Variants in TTLL11 observed in about 807,000 individuals in gnomAD.
TTLL11 encodes the protein tubulin tyrosine ligase like 11, also known as tubulin polyglutamylase TTLL11.
TTLL11 carries 42 observed loss-of-function variants against 51.7 expected under a neutral mutation model. The ratio of observed to expected loss-of-function variants is 0.81; its 90% CI spans 0.64 to 1.05. The LOEUF (loss-of-function observed/expected upper bound fraction) is 1.05, where lower values mean the gene tolerates loss of function less well. Among genes scored for constraint, TTLL11 ranks in the 50% least tolerant of loss-of-function variants. The pLI is 0.00. For synonymous variants in TTLL11, 381 were observed against 383.5 expected (o/e 0.99, Z 0.08); for missense variants, 799 against 940.4 (o/e 0.85, Z 1.97).
rs912025785 is a variant in TTLL11, at chr9:121,995,133, C to T, written c.694-5363G>A. ...GGAGCTTGGGAGAGAGATCTGGGGT[C>T]GTCAGGCCCCCAAGGATGGCCAAGG... On this transcript the variant is annotated intron_variant, in intron 3 of 8. Coordinates refer to ENST00000321582, the MANE Select transcript of TTLL11 (RefSeq NM_001139442.2). The surrounding 1 kb of genome is among the most constrained non-coding windows in gnomAD (Gnocchi z 4.4). Among the ~76,000 whole-genome samples the T allele has an allele frequency of 2.0e-5, 3 of 152,092 alleles. No individual in the cohort carries two copies. Among genetic ancestry groups the T allele is most frequent in the South Asian group, 2.1e-4 (1 of 4,836 alleles).
intron 3 of TTLL11, among the ~76,000 whole-genome samples, chr9:122,000,792 C>T (rs952710096): frequency 2.0e-5 from 3 of 152,192 alleles, no homozygotes; most frequent in Admixed American, 6.5e-5. Context: ...TCTTAATAAA[C>T]TTGCATCCAC....
intron 6 of TTLL11, among the ~76,000 whole-genome samples, chr9:121,933,859 C>A (rs1191481888): frequency 2.0e-5 from 3 of 152,110 alleles, no homozygotes; most frequent in African/African-American, 7.2e-5. Context: ...TCAAGCAATG[C>A]TTTCTTAAAG....
At chr9:121,847,867 C>T (rs937971269) in intron 8 of TTLL11, among the ~76,000 whole-genome samples, 1 of 152,122 alleles carries the variant, frequency 6.6e-6, no homozygotes, top group Non-Finnish European at 1.5e-5. Context: ...AACTGCATAC[C>T]AATATTCCTC....
intron 6 of TTLL11, among the ~76,000 whole-genome samples, chr9:121,887,750 T>C (rs906285276): frequency 6.6e-6 from 1 of 152,164 alleles, no homozygotes; most frequent in African/African-American, 2.4e-5. Context: ...AGATCCCCCA[T>C]GAAGAAAGTG....
chr9:122,014,182 T>C (rs1286968828), intron 3 of TTLL11, among the ~76,000 whole-genome samples: 3 of 151,934 alleles, frequency 2.0e-5, no homozygotes, highest in Non-Finnish European at 2.9e-5. Context: ...CTGGCCAACA[T>C]AGCAAAACCC....
At chr9:122,085,052 G>C (rs1846090929) in intron 1 of TTLL11, among the ~76,000 whole-genome samples, 1 of 152,164 alleles carries the variant, frequency 6.6e-6, no homozygotes, top group Non-Finnish European at 1.5e-5. Context: ...CTGAGGTCAG[G>C]AGTTCGAGAC....
intron 2 of TTLL11, among the ~76,000 whole-genome samples, chr9:122,033,613 G>T (rs1210241833): frequency 6.6e-6 from 1 of 152,162 alleles, no homozygotes; most frequent in East Asian, 1.9e-4. Context: ...CAGAATGAAT[G>T]AGTTTCCTCT....
At chr9:121,914,122 C>T (rs1007365074) in intron 6 of TTLL11, among the ~76,000 whole-genome samples, 6 of 152,220 alleles carry the variant, frequency 3.9e-5, no homozygotes, top group African/African-American at 4.8e-5. Flanking sequence ...TGTTCTATCC[C>T]CCATAGTATA....
intron 6 of TTLL11, among the ~76,000 whole-genome samples, chr9:121,908,826 G>A (rs756829955): frequency 6.6e-6 from 1 of 152,058 alleles, no homozygotes; most frequent in Non-Finnish European, 1.5e-5. Flanking sequence ...CTCCTTGTAA[G>A]GACTTTCTAA....
chr9:121,973,458 G>C (rs1197087778), intron 6 of TTLL11, among the ~76,000 whole-genome samples: 1 of 152,214 alleles, frequency 6.6e-6, no homozygotes, highest in Non-Finnish European at 1.5e-5. Flanking sequence ...TGGTGGGCAA[G>C]TGGGAGGCCT....
chr9:121,993,243 T>C (rs1472490152), intron 3 of TTLL11, among the ~76,000 whole-genome samples: 1 of 152,246 alleles, frequency 6.6e-6, no homozygotes, highest in Admixed American at 6.5e-5. Context: ...AATGCCACTG[T>C]ACACTTAACA....
chr9:121,969,941 T>C (rs1842508434), intron 6 of TTLL11, among the ~76,000 whole-genome samples: 1 of 152,214 alleles, frequency 6.6e-6, no homozygotes, highest in Non-Finnish European at 1.5e-5. Flanking sequence ...TTTATCAAAA[T>C]GATCATAATC....
At chr9:121,992,802 G>A (rs1399260123) in intron 3 of TTLL11, among the ~76,000 whole-genome samples, 1 of 152,150 alleles carries the variant, frequency 6.6e-6, no homozygotes, top group Non-Finnish European at 1.5e-5. Flanking sequence ...GGCTTTTACT[G>A]CCCCCTAGTG....
Position 121,966,975 on chromosome 9 carries a change from C to T in TTLL11, c.1481+7034G>A, listed in dbSNP as rs942658497. On this transcript the variant is annotated intron_variant, in intron 6 of 8. Coordinates refer to ENST00000321582, the MANE Select transcript of TTLL11 (RefSeq NM_001139442.2). ...AGAACTAGCTGTTGTCTAATGCTCT[C>T]AGATTCCATGGGCCTTTCTCACACG... Among the ~76,000 whole-genome samples, 4 of 152,176 alleles carry T rather than the reference C, an allele frequency of 2.6e-5. No individual in the cohort carries two copies. The East Asian group carries it at 7.7e-4, about 29-fold the overall frequency.
At chr9:122,016,017 T>C (rs546913719) in intron 3 of TTLL11, among the ~76,000 whole-genome samples, 1 of 152,058 alleles carries the variant, frequency 6.6e-6, no homozygotes. Flanking sequence ...CTAGACAGTG[T>C]AATTAGCATA....
chr9:121,895,325 C>T (rs1458051876), intron 6 of TTLL11, among the ~76,000 whole-genome samples: 1 of 150,372 alleles, frequency 6.7e-6, no homozygotes, highest in East Asian at 2.0e-4. Flanking sequence ...TGAGTGTGTG[C>T]ACAGAGTTGT....
At chr9:121,900,214 C>T (rs952598832) in intron 6 of TTLL11, among the ~76,000 whole-genome samples, 4 of 152,180 alleles carry the variant, frequency 2.6e-5, no homozygotes, top group African/African-American at 9.7e-5. Flanking sequence ...AGTTCTCAAG[C>T]GTCTTTATTT....
chr9:122,008,005 A>G (rs1305936636), intron 3 of TTLL11, among the ~76,000 whole-genome samples: 1 of 152,216 alleles, frequency 6.6e-6, no homozygotes, highest in Admixed American at 6.5e-5. Context: ...CGAGAAAAAC[A>G]CAATGTTGCT....
chr9:121,954,980 A>G (rs996143606), intron 6 of TTLL11, among the ~76,000 whole-genome samples: 4 of 152,168 alleles, frequency 2.6e-5, no homozygotes, highest in African/African-American at 7.2e-5. Flanking sequence ...CTCTCAGTCA[A>G]GTTCACAGAG....
Sources: allele counts gnomAD v4.1 joint callset (sites outside exome capture counted in the v4.1 genomes callset), GRCh38; gene constraint gnomAD v4.1.1; non-coding constraint Gnocchi (gnomAD v3.1); transcripts MANE v1.5; gene names NCBI Gene and HGNC (gene_info 2026-07-23, HGNC 2026-07-21).